Variants in SEMA6D observed in about 807,000 individuals in gnomAD.
The protein encoded by SEMA6D is semaphorin 6D.
SEMA6D carries 35 observed loss-of-function variants against 106.6 expected under a neutral mutation model. The ratio of observed to expected loss-of-function variants is 0.33; its 90% CI spans 0.25 to 0.44. The LOEUF (loss-of-function observed/expected upper bound fraction) is 0.44. Ranked by LOEUF, SEMA6D falls within the 20% of genes least tolerant of loss-of-function variation. The probability of loss-of-function intolerance (pLI) is 1.00; values close to 1 mark genes in which losing one functional copy is unlikely to be tolerated. For synonymous variants in SEMA6D, 499 were observed against 487.7 expected (o/e 1.02, Z -0.31); for missense variants, 1,185 against 1,345.9 (o/e 0.88, Z 1.87).
intron 1 of SEMA6D, among the ~76,000 whole-genome samples, chr15:47,331,844 A>C (rs898477214): frequency 1.5e-4 from 23 of 152,342 alleles, no homozygotes; most frequent in Middle Eastern, 3.4e-3. Flanking sequence ...AAAAACATGC[A>C]AACAGCCAAT....
rs191480131 is a variant in SEMA6D at position 47,557,098 on chromosome 15, T to A, written c.-86-43767T>A. On this transcript the variant is annotated intron_variant, in intron 3 of 19. Coordinates refer to the SEMA6D transcript ENST00000558014. ...AAGAAGTAAAAGCAGTTATCATTAC[T>A]TATAGTACCCTCGGAGACTACAGGA... Among the ~76,000 whole-genome samples the A allele has an allele frequency of 4.7e-4, 71 of 152,276 alleles. 1 individual carries two copies. Among genetic ancestry groups the A allele is most frequent in the African/African-American group, 1.5e-3 (61 of 41,562 alleles).
chr15:47,450,067 T>A (rs1379449420), intron 2 of SEMA6D, among the ~76,000 whole-genome samples: 1 of 152,112 alleles, frequency 6.6e-6, no homozygotes, highest in Non-Finnish European at 1.5e-5. Flanking sequence ...TCTAATTGCC[T>A]TTTAAAAAAT....
At chr15:47,559,207 GA>G (rs1478223007) in intron 3 of SEMA6D, among the ~76,000 whole-genome samples, 1 of 151,906 alleles carries the variant, frequency 6.6e-6, no homozygotes, top group Non-Finnish European at 1.5e-5. Flanking sequence ...CACGAATATT[GA>G]AAAAAAGTCT....
At chr15:47,209,742 G>T (rs1895357705) in intron 1 of SEMA6D, among the ~76,000 whole-genome samples, 1 of 152,094 alleles carries the variant, frequency 6.6e-6, no homozygotes, top group Non-Finnish European at 1.5e-5. Flanking sequence ...AGCAATGCTC[G>T]TATGCCAAAC....
In SEMA6D at chr15:47,446,862, G is replaced by A. The variant is rs148021462; in HGVS notation, c.-158-23612G>A. Among the ~76,000 whole-genome samples, 16 of 152,180 alleles carry A rather than the reference G, an allele frequency of 1.1e-4. 1 individual carries two copies. In the Middle Eastern group the frequency reaches 0.01, roughly 97 times the overall value. ...CAAATTTGAGAACACTTTTAAAATG[G>A]CCAGCAAAGAGATAAGGTGAGTTCA... On this transcript the variant is annotated intron_variant, in intron 2 of 19. Transcript: ENST00000558014.
intron 1 of SEMA6D, among the ~76,000 whole-genome samples, chr15:47,759,017 A>T (rs965449352): frequency 6.6e-6 from 1 of 152,174 alleles, no homozygotes; most frequent in South Asian, 2.1e-4. Flanking sequence ...TTTGTGTCCA[A>T]ATGGTTTTAT....
At chr15:47,724,467 T>C (rs192866938) in intron 1 of SEMA6D, among the ~76,000 whole-genome samples, 56 of 151,764 alleles carry the variant, frequency 3.7e-4, no homozygotes, top group African/African-American at 1.2e-3. Flanking sequence ...TTGAGAAGAG[T>C]GAGAGGTTAT....
In SEMA6D at chr15:47,678,780, T is replaced by A. The variant is rs117746900; in HGVS notation, c.-55+77884T>A. 1.7e-3 allele frequency among the ~76,000 whole-genome samples: 255 copies of A among 152,264 alleles called. 7 individuals are homozygous for A. The East Asian group carries it at 0.043, about 26-fold the overall frequency. On this transcript the variant is annotated intron_variant, in intron 4 of 19. Transcript: ENST00000558014. ...CTTTATTTATAATATTTTATATGTA[T>A]GTATTTGTGTTATTTAATATTTATA...
chr15:47,239,675 G>A lies in SEMA6D; in HGVS notation c.-239+55257G>A, dbSNP rs143027723. 1.1e-3 allele frequency among the ~76,000 whole-genome samples: 170 copies of A among 152,110 alleles called. 2 individuals are homozygous for A. Among genetic ancestry groups the A allele is most frequent in the African/African-American group, 3.9e-3 (163 of 41,510 alleles). ...AGAGCAGTGTGTAAGAGCCTGGCTGGCTCTGTTACCATTGCATTGTGTGAT... is the reference window on the plus strand; with the variant it reads ...AGAGCAGTGTGTAAGAGCCTGGCTGACTCTGTTACCATTGCATTGTGTGAT... On this transcript the variant is annotated intron_variant, in intron 1 of 19. Transcript: ENST00000558014.
At chr15:47,697,653 C>T (rs1032255726) in intron 4 of SEMA6D, among the ~76,000 whole-genome samples, 1 of 152,130 alleles carries the variant, frequency 6.6e-6, no homozygotes, top group African/African-American at 2.4e-5. Flanking sequence ...TTTAATTGTC[C>T]TTTAATCTCT....
At chr15:47,590,094 G>A (rs371558259) in intron 3 of SEMA6D, among the ~76,000 whole-genome samples, 32 of 151,940 alleles carry the variant, frequency 2.1e-4, no homozygotes, top group African/African-American at 7.5e-4. Context: ...TGTTTATTGC[G>A]GCACTATTCA....
intron 2 of SEMA6D, among the ~76,000 whole-genome samples, chr15:47,426,253 C>T (rs2041334098): frequency 6.6e-6 from 1 of 152,008 alleles, no homozygotes; most frequent in Non-Finnish European, 1.5e-5. Context: ...GATACTCTTG[C>T]CTTAGCTTCA....
intron 2 of SEMA6D, among the ~76,000 whole-genome samples, chr15:47,454,439 T>A (rs1377054731): frequency 1.3e-5 from 2 of 151,966 alleles, no homozygotes; most frequent in Non-Finnish European, 2.9e-5. Flanking sequence ...GGGCAATAGA[T>A]AGATCGCTGC....
chr15:47,602,339 G>A (rs72735813), intron 4 of SEMA6D, among the ~76,000 whole-genome samples: 26,321 of 152,090 alleles, frequency 0.17, 2,637 homozygotes, highest in African/African-American at 0.25. Context: ...AATTGTCACC[G>A]TCAATCCAAT....
In SEMA6D at chr15:47,273,625, C is replaced by T. The variant is rs1267443325; in HGVS notation, c.-239+89207C>T. Among the ~76,000 whole-genome samples, 5 of 152,142 alleles carry T rather than the reference C, an allele frequency of 3.3e-5. No homozygotes were observed. The South Asian group carries it at 6.2e-4, about 19-fold the overall frequency. ...GTTAGTCCCCACATCAAATAATAAG[C>T]CTGCTATAATTCCAAACCACTTAGC... On this transcript the variant is annotated intron_variant, in intron 1 of 19. Coordinates refer to the SEMA6D transcript ENST00000558014.
chr15:47,557,820 T>A (rs1189744127), intron 3 of SEMA6D, among the ~76,000 whole-genome samples: 1 of 152,192 alleles, frequency 6.6e-6, no homozygotes, highest in African/African-American at 2.4e-5. Context: ...GTAACTCTGC[T>A]GTTAGAACGG....
chr15:47,684,142 A>C (rs1047495005), intron 4 of SEMA6D, among the ~76,000 whole-genome samples: 1 of 152,190 alleles, frequency 6.6e-6, no homozygotes, highest in Non-Finnish European at 1.5e-5. Context: ...CTAAGGCTAC[A>C]TCAAACACTG....
At chr15:47,263,793 T>C (rs2034188310) in intron 1 of SEMA6D, among the ~76,000 whole-genome samples, 1 of 151,830 alleles carries the variant, frequency 6.6e-6, no homozygotes, top group Admixed American at 6.6e-5. Context: ...TGACATATTC[T>C]TTATCCAATT....
At chr15:47,273,406 G>T (rs2034650438) in intron 1 of SEMA6D, among the ~76,000 whole-genome samples, 1 of 152,142 alleles carries the variant, frequency 6.6e-6, no homozygotes, top group Non-Finnish European at 1.5e-5. Flanking sequence ...ACCTGAGAAA[G>T]GATAGAAATC....
Sources: allele counts gnomAD v4.1 joint callset (sites outside exome capture counted in the v4.1 genomes callset), GRCh38; gene constraint gnomAD v4.1.1; transcripts MANE v1.5; gene names NCBI Gene and HGNC (gene_info 2026-07-23, HGNC 2026-07-21).